Variants in STPG2 observed in about 807,000 individuals in gnomAD.
STPG2 encodes the protein sperm tail PG-rich repeat containing 2.
A neutral mutation model predicts 54.2 loss-of-function variants in STPG2; 56 were observed. That is an observed-to-expected ratio of 1.03 (90% CI 0.83 to 1.29). The LOEUF is 1.29. Ranked by LOEUF, STPG2 falls within the 50% of genes most tolerant of loss-of-function variation. STPG2 has a pLI of 0.00. For synonymous variants in STPG2, 200 were observed against 181.8 expected (o/e 1.10, Z -0.81); for missense variants, 596 against 544.9 (o/e 1.09, Z -0.93).
intron 5 of STPG2, among the ~76,000 whole-genome samples, chr4:98,034,156 C>A (rs1423081816): frequency 2.0e-5 from 3 of 152,266 alleles, no homozygotes; most frequent in Non-Finnish European, 1.5e-5. Context: ...AAGAGGAACT[C>A]AAATTGTCTC....
At chr4:97,937,129 T>G (rs1732775434) in intron 8 of STPG2, among the ~76,000 whole-genome samples, 1 of 152,132 alleles carries the variant, frequency 6.6e-6, no homozygotes, top group East Asian at 1.9e-4. Flanking sequence ...AGCAAGACAG[T>G]CTTCAAGTTC....
intron 10 of STPG2, among the ~76,000 whole-genome samples, chr4:97,612,776 A>T (rs1206254763): frequency 6.6e-6 from 1 of 151,954 alleles, no homozygotes; most frequent in African/African-American, 2.4e-5. Context: ...TGTAAATGCA[A>T]ATATACTTAA....
At chr4:97,616,265 A>G (rs1733872988) in intron 10 of STPG2, among the ~76,000 whole-genome samples, 1 of 151,346 alleles carries the variant, frequency 6.6e-6, no homozygotes, top group African/African-American at 2.4e-5. Context: ...ATTCCATATT[A>G]TTTCCTAAAT....
chr4:97,918,918 CTTAT>C (rs1051454114), intron 8 of STPG2, among the ~76,000 whole-genome samples: 1 of 152,056 alleles, frequency 6.6e-6, no homozygotes, highest in Non-Finnish European at 1.5e-5. Context: ...CATTAAATAG[CTTAT>C]TTATGTAACC....
At chr4:97,738,758 T>C (rs1725113863) in intron 9 of STPG2, among the ~76,000 whole-genome samples, 1 of 151,972 alleles carries the variant, frequency 6.6e-6, no homozygotes, top group Non-Finnish European at 1.5e-5. Context: ...CACACAATAA[T>C]AATGGGAGAC....
At chr4:97,684,096 A>C (rs976693984) in intron 10 of STPG2, among the ~76,000 whole-genome samples, 2 of 151,918 alleles carry the variant, frequency 1.3e-5, no homozygotes, top group Non-Finnish European at 2.9e-5. Flanking sequence ...CATTTATGAA[A>C]TAAATCGAAG....
intron 9 of STPG2, among the ~76,000 whole-genome samples, chr4:97,771,096 T>G (rs2149062396): frequency 6.6e-6 from 1 of 152,296 alleles, no homozygotes. Context: ...ATTATTCAAC[T>G]TTGGAAAAGT....
At chr4:97,896,730 G>A in intron 8 of STPG2, among the ~76,000 whole-genome samples, 1 of 151,620 alleles carries the variant, frequency 6.6e-6, no homozygotes, top group East Asian at 1.9e-4. Flanking sequence ...AAAATTAAAT[G>A]TTAATGAAAA....
chr4:97,853,371 A>T (rs770599166), intron 8 of STPG2, among the ~76,000 whole-genome samples: 7 of 152,322 alleles, frequency 4.6e-5, no homozygotes, highest in Middle Eastern at 3.4e-3. Context: ...GTTCATGTAT[A>T]CGTATGTAAC....
intron 8 of STPG2, among the ~76,000 whole-genome samples, chr4:97,905,832 C>G (rs1448159192): frequency 1.3e-5 from 2 of 151,954 alleles, no homozygotes; most frequent in Non-Finnish European, 2.9e-5. Context: ...AACAAAGACA[C>G]AACATACCAG....
At chr4:97,489,889 A>T (rs1040522780) in intron 4 of STPG2, 1 of 151,398 alleles carries the variant, frequency 6.6e-6, no homozygotes, top group African/African-American at 2.4e-5. Context: ...TTAAGGAGAC[A>T]AAAGATTGCA....
chr4:97,791,639 C>A (rs1379484571), intron 9 of STPG2, among the ~76,000 whole-genome samples: 2 of 151,842 alleles, frequency 1.3e-5, no homozygotes, highest in Non-Finnish European at 2.9e-5. Flanking sequence ...TTTTGATTAA[C>A]AAAGATTAGG....
intron 7 of STPG2, among the ~76,000 whole-genome samples, chr4:97,955,423 G>A (rs1332765129): frequency 3.3e-5 from 5 of 151,928 alleles, no homozygotes; most frequent in Admixed American, 2.6e-4. Flanking sequence ...CACTGTGTTA[G>A]CCAAAATGGT....
At chr4:97,848,956 T>G (rs1376306310) in intron 8 of STPG2, among the ~76,000 whole-genome samples, 1 of 149,666 alleles carries the variant, frequency 6.7e-6, no homozygotes, top group Non-Finnish European at 1.5e-5. Context: ...TTTGTTCTTT[T>G]GGCTTAGGAT....
intron 8 of STPG2, among the ~76,000 whole-genome samples, chr4:97,889,715 C>A (rs889489310): frequency 6.6e-5 from 10 of 151,964 alleles, no homozygotes; most frequent in Non-Finnish European, 1.5e-4. Flanking sequence ...TGGTCAAATG[C>A]TGCAAAATTT....
chr4:97,793,864 T>C (rs1727084813), intron 9 of STPG2, among the ~76,000 whole-genome samples: 1 of 151,866 alleles, frequency 6.6e-6, no homozygotes, highest in South Asian at 2.1e-4. Context: ...ACAGGTGAAA[T>C]AGGGGTGGAG....
chr4:97,744,151 A>G (rs1481559662), intron 9 of STPG2, among the ~76,000 whole-genome samples: 4 of 151,654 alleles, frequency 2.6e-5, no homozygotes, highest in African/African-American at 9.6e-5. Flanking sequence ...ATCTTTCCAC[A>G]TATATATGAG....
intron 4 of STPG2, among the ~76,000 whole-genome samples, chr4:97,450,680 C>T (rs537220193): frequency 1.8e-4 from 28 of 152,178 alleles, no homozygotes; most frequent in African/African-American, 4.6e-4. Flanking sequence ...TGGAATGGCA[C>T]GGAGCAAGAT....
At chr4:97,961,073 G>GA (rs1314665653) in intron 7 of STPG2, among the ~76,000 whole-genome samples, 1 of 146,502 alleles carries the variant, frequency 6.8e-6, no homozygotes, top group African/African-American at 2.6e-5. Flanking sequence ...CTTCAACAAA[G>GA]CAAACAAAAA....
Sources: allele counts gnomAD v4.1 joint callset (sites outside exome capture counted in the v4.1 genomes callset), GRCh38; gene constraint gnomAD v4.1.1; transcripts MANE v1.5; gene names NCBI Gene and HGNC (gene_info 2026-07-23, HGNC 2026-07-21).